Variants in MYRIP observed in about 807,000 individuals in gnomAD.
The protein encoded by MYRIP is myosin VIIA and Rab interacting protein, also known as rab effector MyRIP.
In MYRIP, 49 loss-of-function variants were observed where a neutral mutation model predicts 98.0. The observed-to-expected ratio is 0.50, with a 90% confidence interval of 0.40 to 0.63. The LOEUF is 0.63. MYRIP is among the 30% of genes least tolerant of loss of function. MYRIP has a pLI of 0.00. For synonymous variants in MYRIP, 404 were observed against 409.5 expected (o/e 0.99, Z 0.16); for missense variants, 1,004 against 1,058.2 (o/e 0.95, Z 0.71).
chr3:39,949,116 A>G (rs1270480359), intron 2 of MYRIP, among the ~76,000 whole-genome samples: 1 of 152,182 alleles, frequency 6.6e-6, no homozygotes, highest in Admixed American at 6.6e-5. Context: ...AAATGCAAAA[A>G]TACTGAAAGA....
At chr3:39,884,812 T>A (rs1028811332) in intron 1 of MYRIP, among the ~76,000 whole-genome samples, 85 of 149,832 alleles carry the variant, frequency 5.7e-4, no homozygotes, top group Admixed American at 2.7e-3. Context: ...CATTATTATT[T>A]TTTTTTTTTG....
At chr3:40,172,507 A>C (rs1303381330) in intron 8 of MYRIP, among the ~76,000 whole-genome samples, 3 of 152,208 alleles carry the variant, frequency 2.0e-5, no homozygotes, top group Non-Finnish European at 4.4e-5. Flanking sequence ...GCACAGTGGC[A>C]ACAGTGGCAG....
intron 1 of MYRIP, among the ~76,000 whole-genome samples, chr3:39,812,987 C>T (rs1024068507): frequency 1.3e-5 from 2 of 152,140 alleles, no homozygotes; most frequent in African/African-American, 2.4e-5. Flanking sequence ...TTGGAGGGAG[C>T]TGGAGGTGGG....
rs893798940 is a variant in MYRIP, at chr3:40,007,578, T to C, written c.111-36472T>C. The stretch of plus-strand genomic sequence containing the variant: ...ATGAACCTCAGTTTCTTCTTTTGCA[T>C]ATGCTGGCATTGTGTGCCGAGTATC... On this transcript the variant is annotated intron_variant, in intron 2 of 16. Coordinates refer to ENST00000302541, the MANE Select transcript of MYRIP (RefSeq NM_015460.4). Among the ~76,000 whole-genome samples the C allele has an allele frequency of 3.9e-5, 6 of 152,318 alleles. No homozygotes were observed. In the East Asian group the frequency reaches 9.7e-4, roughly 25 times the overall value.
intron 1 of MYRIP, among the ~76,000 whole-genome samples, chr3:39,896,473 C>T (rs1468555175): frequency 1.3e-5 from 2 of 152,228 alleles, no homozygotes; most frequent in African/African-American, 4.8e-5. Flanking sequence ...GCACATCTCT[C>T]ATTATTAGTG....
rs1942494596 is a variant in MYRIP, at chr3:39,862,278, A to G, written c.-30-38509A>G. 2.0e-5 allele frequency among the ~76,000 whole-genome samples: 3 copies of G among 152,212 alleles called. No individual in the cohort carries two copies. In the South Asian group the frequency reaches 6.2e-4, roughly 32 times the overall value. ...GGAGAAATAAGATCCTTTTTAGACA[A>G]GAAAATGTTAAGAGAATTTATTACC... On this transcript the variant is annotated intron_variant, in intron 1 of 16. Coordinates refer to ENST00000302541, the MANE Select transcript of MYRIP (RefSeq NM_015460.4).
intron 3 of MYRIP, among the ~76,000 whole-genome samples, chr3:40,088,874 G>A (rs72856903): frequency 0.024 from 3,616 of 152,300 alleles, 95 homozygotes; most frequent in African/African-American, 0.061. Flanking sequence ...CTGCTGGCTG[G>A]AGGCAGGAAG....
chr3:40,006,275 G>A (rs1359720021), intron 2 of MYRIP, among the ~76,000 whole-genome samples: 1 of 152,128 alleles, frequency 6.6e-6, no homozygotes, highest in Admixed American at 6.5e-5. Context: ...AAAATAGAAG[G>A]AGAGAGGGAA....
chr3:40,237,616 G>A (rs1952859477), intron 12 of MYRIP, among the ~76,000 whole-genome samples: 1 of 152,186 alleles, frequency 6.6e-6, no homozygotes, highest in Admixed American at 6.5e-5. Flanking sequence ...TTCAGCTGAT[G>A]TGTGACTACA....
intron 3 of MYRIP, among the ~76,000 whole-genome samples, chr3:40,121,752 A>G (rs1395225474): frequency 6.6e-6 from 1 of 152,206 alleles, no homozygotes; most frequent in East Asian, 1.9e-4. Context: ...GACAAATAAT[A>G]TTTTAACACA....
intron 3 of MYRIP, among the ~76,000 whole-genome samples, chr3:40,122,875 T>C (rs954596983): frequency 1.4e-4 from 21 of 152,154 alleles, no homozygotes; most frequent in African/African-American, 5.1e-4. Context: ...GATATATTTT[T>C]TTTTAACTTT....
chr3:40,024,121 C>A (rs751317970), intron 2 of MYRIP, among the ~76,000 whole-genome samples: 2 of 152,138 alleles, frequency 1.3e-5, no homozygotes, highest in Non-Finnish European at 2.9e-5. Flanking sequence ...AGGAAGCTTC[C>A]TCTACTTGTA....
intron 1 of MYRIP, among the ~76,000 whole-genome samples, chr3:39,843,164 T>C (rs2125596874): frequency 6.6e-6 from 1 of 152,360 alleles, no homozygotes; most frequent in African/African-American, 2.4e-5. Flanking sequence ...CTTTTTGTTA[T>C]CTATCTAATA....
chr3:39,952,255 C>T (rs1389804042), intron 2 of MYRIP, among the ~76,000 whole-genome samples: 1 of 152,152 alleles, frequency 6.6e-6, no homozygotes, highest in East Asian at 1.9e-4. Context: ...ACATAGTAGT[C>T]TATCACATGG....
chr3:40,127,109 T>G (rs924227999), intron 3 of MYRIP, among the ~76,000 whole-genome samples: 1 of 152,248 alleles, frequency 6.6e-6, no homozygotes, highest in African/African-American at 2.4e-5. Flanking sequence ...AACAACCCTT[T>G]TGTTTTACTT....
At chr3:39,888,269 T>C (rs376103773) in intron 1 of MYRIP, among the ~76,000 whole-genome samples, 174 of 152,060 alleles carry the variant, frequency 1.1e-3, no homozygotes, top group East Asian at 7.4e-3. Flanking sequence ...CACTACCTGA[T>C]TTCAAACTAT....
intron 2 of MYRIP, among the ~76,000 whole-genome samples, chr3:40,019,604 G>A (rs1387287836): frequency 3.3e-5 from 5 of 151,994 alleles, no homozygotes; most frequent in African/African-American, 1.2e-4. Flanking sequence ...TTTATTTTAT[G>A]TCCCCAGCAC....
At chr3:40,147,904 A>G (rs1950041936) in intron 3 of MYRIP, among the ~76,000 whole-genome samples, 1 of 152,186 alleles carries the variant, frequency 6.6e-6, no homozygotes, top group Non-Finnish European at 1.5e-5. Context: ...CTCCTGGGAC[A>G]GTTTCCTTCT....
At position 40,156,971 on chromosome 3, in the gene MYRIP, T is replaced by C. The variant is rs369722634; in HGVS notation, c.470-5759T>C. ...ACAATTTGACTTCCTCTTTTACTAA[T>C]TGAATACCCTTTATTTCCTTCTCCT... On this transcript the variant is annotated intron_variant, in intron 4 of 16. Transcript: ENST00000302541. Among the ~76,000 whole-genome samples the C allele has an allele frequency of 1.7e-4, 26 of 152,308 alleles. No individual in the cohort carries two copies. In the East Asian group the frequency reaches 1.7e-3, roughly 10 times the overall value.
Sources: allele counts gnomAD v4.1 joint callset (sites outside exome capture counted in the v4.1 genomes callset), GRCh38; gene constraint gnomAD v4.1.1; transcripts MANE v1.5; gene names NCBI Gene and HGNC (gene_info 2026-07-23, HGNC 2026-07-21).